MACROD2: variants seen among roughly 807,000 people sequenced by gnomAD.
MACROD2 encodes the protein mono-ADP ribosylhydrolase 2, also known as ADP-ribose glycohydrolase MACROD2.
A neutral mutation model predicts 70.4 loss-of-function variants in MACROD2; 36 were observed. That is an observed-to-expected ratio of 0.51 (90% CI 0.39 to 0.68). The LOEUF is 0.68. Ranked by LOEUF, MACROD2 falls within the 30% of genes least tolerant of loss-of-function variation. MACROD2 has a pLI of 0.00. For synonymous variants in MACROD2, 172 were observed against 178.8 expected (o/e 0.96, Z 0.30); for missense variants, 496 against 538.4 (o/e 0.92, Z 0.78).
intron 3 of MACROD2, among the ~76,000 whole-genome samples, chr20:14,086,874 T>G (rs1569152894): frequency 1.3e-5 from 2 of 152,314 alleles, no homozygotes; most frequent in East Asian, 3.9e-4. Flanking sequence ...AGGGGTAATT[T>G]CTTGACTGTG....
intron 2 of MACROD2, among the ~76,000 whole-genome samples, chr20:14,028,149 C>T (rs567395157): frequency 2.6e-4 from 40 of 152,316 alleles, no homozygotes; most frequent in African/African-American, 8.7e-4. Flanking sequence ...ATGGCTACAG[C>T]GGCTCTGCGG....
chr20:14,745,061 T>A (rs6135249), intron 5 of MACROD2, among the ~76,000 whole-genome samples: 50,140 of 151,962 alleles, frequency 0.33, 8,684 homozygotes, highest in South Asian at 0.56. Flanking sequence ...GCATTAGCTA[T>A]CCTATATTAG....
At chr20:14,123,148 T>A (rs2054606061) in intron 3 of MACROD2, among the ~76,000 whole-genome samples, 1 of 152,320 alleles carries the variant, frequency 6.6e-6, no homozygotes, top group South Asian at 2.1e-4. Flanking sequence ...TCGGAAAGTA[T>A]ACAATTCTTA....
chr20:15,684,238 AT>A (rs1783852220), intron 8 of MACROD2, among the ~76,000 whole-genome samples: 2 of 152,176 alleles, frequency 1.3e-5, no homozygotes, highest in African/African-American at 4.8e-5. Flanking sequence ...TTGTGGCCAT[AT>A]GCCATTCCTC....
chr20:15,771,161 G>A (rs751580528), intron 8 of MACROD2, among the ~76,000 whole-genome samples: 1 of 151,948 alleles, frequency 6.6e-6, no homozygotes, highest in Non-Finnish European at 1.5e-5. Flanking sequence ...AGGGTCAAAT[G>A]TCTCTTCTTC....
chr20:15,014,403 T>C (rs1345230522), intron 5 of MACROD2, among the ~76,000 whole-genome samples: 2 of 152,180 alleles, frequency 1.3e-5, no homozygotes, highest in Non-Finnish European at 2.9e-5. Flanking sequence ...CTATCAATAT[T>C]TTTTTATAGT....
chr20:14,453,985 A>G (rs1302308944), intron 3 of MACROD2, among the ~76,000 whole-genome samples: 1 of 151,962 alleles, frequency 6.6e-6, no homozygotes, highest in Non-Finnish European at 1.5e-5. Context: ...ATTTCAATGC[A>G]TATCACCAAA....
At chr20:14,404,876 T>C (rs2083676108) in intron 3 of MACROD2, among the ~76,000 whole-genome samples, 1 of 151,942 alleles carries the variant, frequency 6.6e-6, no homozygotes, top group South Asian at 2.1e-4. Context: ...TAAATTTATA[T>C]GGACTGAAGT....
At chr20:14,897,304 A>G (rs755111267) in intron 5 of MACROD2, among the ~76,000 whole-genome samples, 1 of 152,140 alleles carries the variant, frequency 6.6e-6, no homozygotes, top group South Asian at 2.1e-4. Flanking sequence ...GGATAATTAC[A>G]GTCTTATCAA....
At chr20:15,985,577 G>T (rs1391858671) in intron 13 of MACROD2, among the ~76,000 whole-genome samples, 1 of 152,166 alleles carries the variant, frequency 6.6e-6, no homozygotes, top group Non-Finnish European at 1.5e-5. Flanking sequence ...CTCCACGGGG[G>T]CCTGCTATGC....
chr20:15,545,454 A>G (rs939339325), intron 8 of MACROD2, among the ~76,000 whole-genome samples: 7 of 152,212 alleles, frequency 4.6e-5, no homozygotes, highest in African/African-American at 1.7e-4. Context: ...ATCTGTTGGC[A>G]GCAGCCCACA....
chr20:15,035,207 A>G (rs147876963), intron 5 of MACROD2, among the ~76,000 whole-genome samples: 3,371 of 152,240 alleles, frequency 0.022, 62 homozygotes, highest in Non-Finnish European at 0.03. Flanking sequence ...CAGCCTGGGC[A>G]ACATAGTGAG....
At chr20:14,918,009 G>T (rs1349051753) in intron 5 of MACROD2, among the ~76,000 whole-genome samples, 1 of 152,144 alleles carries the variant, frequency 6.6e-6, no homozygotes, top group African/African-American at 2.4e-5. Context: ...CTCTCGCTCT[G>T]TTGCCCAGGC....
chr20:14,768,542 C>T (rs1333810327), intron 5 of MACROD2, among the ~76,000 whole-genome samples: 1 of 152,020 alleles, frequency 6.6e-6, no homozygotes, highest in Admixed American at 6.6e-5. Flanking sequence ...TTGTCTCAAG[C>T]ACGTGGCCTC....
intron 5 of MACROD2, among the ~76,000 whole-genome samples, chr20:15,092,885 T>G (rs1886585938): frequency 6.6e-6 from 1 of 152,144 alleles, no homozygotes; most frequent in Non-Finnish European, 1.5e-5. Context: ...TCTCTCCGAA[T>G]AAGTGCTAAG....
intron 7 of MACROD2, among the ~76,000 whole-genome samples, chr20:15,463,476 G>T (rs1028665228): frequency 6.6e-6 from 1 of 152,184 alleles, no homozygotes; most frequent in African/African-American, 2.4e-5. Context: ...TAGGCCAGGT[G>T]TGGTGGCTCA....
chr20:15,300,203 A>G (rs942020129), intron 6 of MACROD2, among the ~76,000 whole-genome samples: 1 of 152,162 alleles, frequency 6.6e-6, no homozygotes, highest in Non-Finnish European at 1.5e-5. Flanking sequence ...TTTTGTCTCC[A>G]TAGAGAGTTT....
intron 5 of MACROD2, among the ~76,000 whole-genome samples, chr20:14,807,512 C>T (rs993125746): frequency 1.3e-5 from 2 of 152,042 alleles, no homozygotes; most frequent in African/African-American, 4.8e-5. Context: ...GTGAAAATTC[C>T]AAAAACCACA....
chr20:15,409,424 G>A (rs1311463852), intron 6 of MACROD2, among the ~76,000 whole-genome samples: 1 of 152,194 alleles, frequency 6.6e-6, no homozygotes, highest in Non-Finnish European at 1.5e-5. Context: ...GAGAATCAGA[G>A]TGTAGCAATG....
Sources: allele counts gnomAD v4.1 joint callset (sites outside exome capture counted in the v4.1 genomes callset), GRCh38; gene constraint gnomAD v4.1.1; transcripts MANE v1.5; gene names NCBI Gene and HGNC (gene_info 2026-07-23, HGNC 2026-07-21).